Variants in GADL1 observed in about 807,000 individuals in gnomAD.
GADL1 encodes GAD like acidic amino acid decarboxylase 1.
A neutral mutation model predicts 69.5 loss-of-function variants in GADL1; 71 were observed. That is an observed-to-expected ratio of 1.02 (90% CI 0.84 to 1.25). The LOEUF (loss-of-function observed/expected upper bound fraction) is 1.25, where lower values mean the gene tolerates loss of function less well. Among genes scored for constraint, GADL1 ranks in the 50% most tolerant of loss-of-function variants. The pLI is 0.00. For missense variants in GADL1, 737 were observed against 631.8 expected, an observed-to-expected ratio of 1.17 and a Z score of -1.79; for synonymous variants, 254 against 214.4, an observed-to-expected ratio of 1.18 and a Z score of -1.62.
chr3:30,871,740 C>T (rs1221474687), intron 1 of GADL1, among the ~76,000 whole-genome samples: 1 of 151,752 alleles, frequency 6.6e-6, no homozygotes, highest in Non-Finnish European at 1.5e-5. Context: ...AACACCAAGG[C>T]ATCCCCACAA....
intron 3 of GADL1, among the ~76,000 whole-genome samples, chr3:30,855,062 A>G (rs1292760397): frequency 6.6e-6 from 1 of 152,128 alleles, no homozygotes; most frequent in African/African-American, 2.4e-5. Flanking sequence ...ATCTAGATCC[A>G]GGTGATGGCT....
intron 14 of GADL1, among the ~76,000 whole-genome samples, chr3:30,748,637 T>G (rs912343447): frequency 1.3e-5 from 2 of 152,206 alleles, no homozygotes; most frequent in African/African-American, 4.8e-5. Flanking sequence ...TTTAAACATT[T>G]TCTGGAACTC....
Position 30,728,322 on chromosome 3 carries a change from C to G in GADL1, c.1486G>C (p.Val496Leu). The G allele has an allele frequency of 2.5e-6, 4 of 1,613,932 alleles. No homozygotes were observed. The highest frequency in any genetic ancestry group is 3.4e-6 in the Non-Finnish European group (4 of 1,179,868). ...CGGCTCACTTGAGGGCTGATCACCACCTGGCGGAAGAAGTTGACCTTTCCC... is the reference window on the plus strand; with the variant it reads ...CGGCTCACTTGAGGGCTGATCACCAGCTGGCGGAAGAAGTTGACCTTTCCC... ...HRGKVNFFRQ[V>L]VISPQVSRED... The change falls in exon 15 of 15, where the codon GTG becomes CTG. Residue 496 changes from valine to leucine, a missense_variant. By Grantham distance (32) the Val-to-Leu change is conservative. Coordinates refer to ENST00000282538, the MANE Select transcript of GADL1 (RefSeq NM_207359.3).
intron 2 of GADL1, 69 bp from the exon 3 acceptor site, chr3:30,857,210 T>A: frequency 7.4e-7 from 1 of 1,353,916 alleles, no homozygotes; most frequent in South Asian, 1.3e-5. Context: ...GTTACAAACG[T>A]GGACTCTACC....
At chr3:30,850,801 T>C in intron 5 of GADL1, 34 bp downstream of exon 5, 1 of 1,244,896 alleles carries the variant, frequency 8.0e-7, no homozygotes, top group Non-Finnish European at 1.2e-6. Flanking sequence ...GTGGTTGTAT[T>C]GGAAGGTTGA....
At chr3:30,763,985 A>T (rs1696205951) in intron 14 of GADL1, among the ~76,000 whole-genome samples, 1 of 152,184 alleles carries the variant, frequency 6.6e-6, no homozygotes, top group Non-Finnish European at 1.5e-5. Context: ...AAAGAATAAA[A>T]TACATAAAAT....
chr3:30,860,117 G>GC (rs1698298385), intron 2 of GADL1, among the ~76,000 whole-genome samples: 1 of 151,466 alleles, frequency 6.6e-6, no homozygotes, highest in African/African-American at 2.4e-5. Flanking sequence ...CCCTGCCACT[G>GC]CCCCCCAAAA....
chr3:30,847,136 A>G (rs902748691), intron 6 of GADL1, among the ~76,000 whole-genome samples: 7 of 152,216 alleles, frequency 4.6e-5, no homozygotes, highest in African/African-American at 1.7e-4. Flanking sequence ...ACCAAGACAT[A>G]GATTTATTAC....
intron 14 of GADL1, among the ~76,000 whole-genome samples, chr3:30,736,467 A>C (rs747126506): frequency 6.6e-6 from 1 of 152,178 alleles, no homozygotes; most frequent in Non-Finnish European, 1.5e-5. Flanking sequence ...GCACTCACTA[A>C]TAGGAACTAA....
intron 1 of GADL1, among the ~76,000 whole-genome samples, chr3:30,874,871 A>C (rs1173916523): frequency 6.6e-6 from 1 of 151,908 alleles, no homozygotes; most frequent in Non-Finnish European, 1.5e-5. Context: ...TGTACCAAAA[A>C]AGGAACCCAA....
intron 1 of GADL1, among the ~76,000 whole-genome samples, chr3:30,889,314 G>T (rs1371819256): frequency 6.6e-6 from 1 of 152,098 alleles, no homozygotes; most frequent in Non-Finnish European, 1.5e-5. Context: ...GATTTGGGTG[G>T]GGACACAGCC....
chr3:30,882,076 C>T (rs1182237131), intron 1 of GADL1, among the ~76,000 whole-genome samples: 1 of 151,914 alleles, frequency 6.6e-6, no homozygotes, highest in Non-Finnish European at 1.5e-5. Context: ...TAGACTAAGA[C>T]AGTTTGACAA....
chr3:30,769,084 G>A (rs1575195413), intron 14 of GADL1, among the ~76,000 whole-genome samples: 2 of 152,242 alleles, frequency 1.3e-5, no homozygotes, highest in Middle Eastern at 6.8e-3. Context: ...ACTCAAGTGT[G>A]CAAGAAATGT....
At chr3:30,856,507 G>A (rs970917350) in intron 3 of GADL1, among the ~76,000 whole-genome samples, 1 of 151,914 alleles carries the variant, frequency 6.6e-6, no homozygotes, top group Non-Finnish European at 1.5e-5. Flanking sequence ...TTATTTATTT[G>A]TTTTTGGTAC....
Position 30,860,239 on chromosome 3 carries a change from A to C in GADL1, c.210+1354T>G, listed in dbSNP as rs187273190. ...AAGCATTTATCACATCCTTACTGGG[A>C]CCCCCCGCTGCCTTTTCTAATGAAA... is the stretch of plus-strand genomic sequence containing the variant. On this transcript the variant is annotated intron_variant, in intron 2 of 14. Coordinates refer to ENST00000282538, the MANE Select transcript of GADL1 (RefSeq NM_207359.3). Among the ~76,000 whole-genome samples, 440 of 150,520 alleles carry C rather than the reference A, an allele frequency of 2.9e-3. 7 individuals are homozygous for C. Among genetic ancestry groups the C allele is most frequent in the Non-Finnish European group, 3.4e-3 (227 of 67,596 alleles).
intron 11 of GADL1, among the ~76,000 whole-genome samples, chr3:30,827,934 C>CT (rs1697710726): frequency 1.3e-5 from 2 of 151,848 alleles, no homozygotes; most frequent in South Asian, 4.1e-4. Flanking sequence ...TTTTAAACAC[C>CT]TACCTTCCCC....
At chr3:30,842,593 C>T (rs1325199072) in intron 8 of GADL1, among the ~76,000 whole-genome samples, 5 of 151,846 alleles carry the variant, frequency 3.3e-5, no homozygotes, top group Non-Finnish European at 7.4e-5. Flanking sequence ...GGAAGAAAGA[C>T]AATCATGACA....
chr3:30,884,513 T>C (rs866345572), intron 1 of GADL1, among the ~76,000 whole-genome samples: 2 of 152,020 alleles, frequency 1.3e-5, no homozygotes, highest in African/African-American at 4.8e-5. Context: ...TCAACCACTA[T>C]AACTTCATCA....
chr3:30,844,423 C>A lies in GADL1; in HGVS notation c.695G>T (p.Gly232Val). Residue 232 changes from glycine to valine, a missense_variant, in exon 7 of 15, where the codon GGC becomes GTC. By Grantham distance (109) the Gly-to-Val change is moderately radical. Coordinates refer to ENST00000282538, the MANE Select transcript of GADL1 (RefSeq NM_207359.3). ...MKKAASFLGI[G>V]TENVCFVETD... is the part of the protein sequence containing the mutation. ...TTCCACAAAGCAAACATTCTCAGTG[C>A]CAATCCCAAGAAAAGAGGCTGCCTT... 1 of 1,613,530 alleles carries A rather than the reference C, an allele frequency of 6.2e-7. No homozygotes were observed. Among genetic ancestry groups the A allele is most frequent in the East Asian group, 2.2e-5 (1 of 44,850 alleles).
Sources: gnomAD v4.1 joint callset for allele counts (sites outside exome capture counted in the v4.1 genomes callset) on GRCh38, gnomAD v4.1.1 for gene constraint, MANE v1.5 for transcripts, NCBI Gene and HGNC (gene_info 2026-07-23, HGNC 2026-07-21) for gene names.